Variants in CCSER1 observed in about 807,000 individuals in gnomAD.
CCSER1 encodes coiled-coil serine rich protein 1.
In CCSER1, 41 loss-of-function variants were observed where a neutral mutation model predicts 82.0. That is an observed-to-expected ratio of 0.50 (90% CI 0.39 to 0.65). The LOEUF is 0.65. Ranked by LOEUF, CCSER1 falls within the 30% of genes least tolerant of loss-of-function variation. The pLI, the probability that CCSER1 is intolerant of heterozygous loss-of-function variation, is 0.00. For missense variants in CCSER1, 1,119 were observed against 1,064.2 expected (o/e 1.05, Z -0.72); for synonymous variants, 414 against 383.9 (o/e 1.08, Z -0.92).
chr4:90,655,926 G>T (rs567498273), intron 6 of CCSER1, among the ~76,000 whole-genome samples: 1 of 151,808 alleles, frequency 6.6e-6, no homozygotes, highest in Non-Finnish European at 1.5e-5. Flanking sequence ...AATACGTGTG[G>T]CAAGATATTC....
intron 9 of CCSER1, among the ~76,000 whole-genome samples, chr4:90,951,766 C>A (rs1732940739): frequency 6.6e-6 from 1 of 152,022 alleles, no homozygotes; most frequent in South Asian, 2.1e-4. Flanking sequence ...GTGATTTATT[C>A]TGAATGCTTC....
chr4:90,995,669 CTCAAA>C (rs1447098622), intron 9 of CCSER1, among the ~76,000 whole-genome samples: 2 of 151,956 alleles, frequency 1.3e-5, no homozygotes, highest in African/African-American at 2.4e-5. Flanking sequence ...TGAATATGAA[CTCAAA>C]TCAAAATGCA....
At chr4:90,843,200 C>T (rs1464879782) in intron 8 of CCSER1, among the ~76,000 whole-genome samples, 1 of 151,096 alleles carries the variant, frequency 6.6e-6, no homozygotes, top group African/African-American at 2.4e-5. Flanking sequence ...ATAGTATCTA[C>T]TTCATGTAAT....
intron 1 of CCSER1, among the ~76,000 whole-genome samples, chr4:90,178,316 A>G (rs1333796276): frequency 2.6e-5 from 4 of 152,108 alleles, no homozygotes; most frequent in East Asian, 1.9e-4. Flanking sequence ...AAAATACAGT[A>G]ACAGGGAAAA....
intron 10 of CCSER1, among the ~76,000 whole-genome samples, chr4:91,573,066 G>GT (rs1311377668): frequency 1.3e-5 from 2 of 152,198 alleles, no homozygotes; most frequent in Non-Finnish European, 2.9e-5. Flanking sequence ...TTCCCAGTGA[G>GT]GTGGAACGGG....
At chr4:91,546,965 G>T (rs1761921377) in intron 10 of CCSER1, among the ~76,000 whole-genome samples, 1 of 133,320 alleles carries the variant, frequency 7.5e-6, no homozygotes, top group Admixed American at 8.1e-5. Context: ...AATTTCTCTT[G>T]AGTTTTCTTT....
intron 7 of CCSER1, among the ~76,000 whole-genome samples, chr4:90,732,111 T>C (rs1744871081): frequency 2.0e-5 from 3 of 149,572 alleles, no homozygotes; most frequent in Admixed American, 6.7e-5. Flanking sequence ...AGCCTCTCCA[T>C]GGACTAGCTT....
intron 4 of CCSER1, among the ~76,000 whole-genome samples, chr4:90,413,242 A>G (rs1272288364): frequency 1.3e-5 from 2 of 152,226 alleles, no homozygotes; most frequent in African/African-American, 2.4e-5. Context: ...ATACCTAACC[A>G]AGGACATGAA....
At chr4:91,083,345 G>C (rs1161668074) in intron 9 of CCSER1, among the ~76,000 whole-genome samples, 1 of 152,044 alleles carries the variant, frequency 6.6e-6, no homozygotes. Context: ...CTCACTCATA[G>C]GTGGGAATTG....
chr4:91,032,106 C>A (rs4692957), intron 9 of CCSER1, among the ~76,000 whole-genome samples: 67,050 of 148,540 alleles, frequency 0.45, 15,231 homozygotes, highest in East Asian at 0.67. Context: ...GAAAGGAAAA[C>A]AAAAATGTGC....
intron 8 of CCSER1, among the ~76,000 whole-genome samples, chr4:90,892,155 C>T (rs1723053245): frequency 6.6e-6 from 1 of 152,016 alleles, no homozygotes; most frequent in African/African-American, 2.4e-5. Flanking sequence ...TTACTGGCTT[C>T]ACAAAATCTG....
intron 7 of CCSER1, chr4:90,781,974 A>G (rs1384830679): frequency 6.8e-6 from 6 of 885,624 alleles, no homozygotes; most frequent in Non-Finnish European, 8.1e-6. Context: ...TATAGGAACA[A>G]AAATAAAATG....
intron 9 of CCSER1, among the ~76,000 whole-genome samples, chr4:90,972,269 A>G (rs1735182593): frequency 6.6e-6 from 1 of 151,848 alleles, no homozygotes; most frequent in Admixed American, 6.6e-5. Flanking sequence ...AGAACTAATA[A>G]ATAAATTCAA....
intron 6 of CCSER1, 147 bp downstream of exon 6, chr4:90,628,379 G>A: frequency 1.6e-6 from 1 of 625,428 alleles, no homozygotes. Context: ...ATTTTCATAT[G>A]TCAAATGAGT....
At chr4:91,050,429 T>TTAA (rs763141548) in intron 9 of CCSER1, among the ~76,000 whole-genome samples, 1 of 69,666 alleles carries the variant, frequency 1.4e-5, no homozygotes, top group African/African-American at 5.3e-5. Context: ...AGACTCTGTC[T>TTAA]CAAAAAAAAA....
intron 5 of CCSER1, among the ~76,000 whole-genome samples, chr4:90,475,673 G>C (rs965615126): frequency 2.0e-5 from 3 of 152,172 alleles, no homozygotes; most frequent in African/African-American, 7.2e-5. Context: ...TAGGACTCTA[G>C]AGTTAGTCAG....
intron 4 of CCSER1, among the ~76,000 whole-genome samples, chr4:90,436,987 A>AT (rs1442822504): frequency 1.3e-5 from 2 of 151,618 alleles, no homozygotes; most frequent in African/African-American, 2.4e-5. Flanking sequence ...CGCCTGGCTA[A>AT]TTTTTTTGTA....
chr4:90,476,232 T>TTACATAAGA (rs1191520475), intron 5 of CCSER1, among the ~76,000 whole-genome samples: 4 of 152,152 alleles, frequency 2.6e-5, no homozygotes, highest in African/African-American at 9.7e-5. Flanking sequence ...CTGCTCCGCC[T>TTACATAAGA]TACATAAGAT....
chr4:90,883,771 T>G (rs1477908659), intron 8 of CCSER1, among the ~76,000 whole-genome samples: 4 of 152,140 alleles, frequency 2.6e-5, no homozygotes, highest in Non-Finnish European at 5.9e-5. Context: ...ACTTCCTCTT[T>G]CAGATGGAAT....
Sources: gnomAD v4.1 joint callset for allele counts (sites outside exome capture counted in the v4.1 genomes callset) on GRCh38, gnomAD v4.1.1 for gene constraint, MANE v1.5 for transcripts, NCBI Gene and HGNC (gene_info 2026-07-23, HGNC 2026-07-21) for gene names.